Variants in ATAD2 observed in about 807,000 individuals in gnomAD.
ATAD2 encodes ATPase family AAA domain containing 2, also known as ATPase family AAA domain-containing protein 2.
ATAD2 carries 62 observed loss-of-function variants against 168.9 expected under a neutral mutation model. The ratio of observed to expected loss-of-function variants is 0.37; its 90% CI spans 0.30 to 0.45. The LOEUF is 0.45. ATAD2 is among the 20% of genes least tolerant of loss of function. The probability of loss-of-function intolerance (pLI) is 1.00; values close to 1 mark genes in which losing one functional copy is unlikely to be tolerated. For missense variants in ATAD2, 1,419 were observed against 1,667.8 expected (o/e 0.85, Z 2.60); for synonymous variants, 613 against 571.6 (o/e 1.07, Z -1.03).
In ATAD2 at chr8:123,396,061, C is replaced by CCACACTTCT. The variant is rs1161430603; in HGVS notation, c.171+117_171+125dup. The CCACACTTCT allele has an allele frequency of 8.9e-6, 10 of 1,126,006 alleles. No homozygotes were observed. The East Asian group carries it at 2.3e-4, about 26-fold the overall frequency. The allele number at this position is 1,126,006 out of a possible 1,614,324, so 69.8% of individuals were successfully genotyped here. On this transcript the variant is annotated intron_variant, in intron 1 of 27. Transcript: ENST00000287394. ...GAGCTTCCATTTTACTCGTCCTCGA[C>CCACACTTCT]CACACTTCTCCCCCGACAACTGTCA...
chr8:123,399,589 G>A (rs1241900070), upstream of ATAD2, among the ~76,000 whole-genome samples: 1 of 151,948 alleles, frequency 6.6e-6, no homozygotes, highest in African/African-American at 2.4e-5. Flanking sequence ...AGGCGGGGCG[G>A]CTCACACCTG....
intron 1 of ATAD2, among the ~76,000 whole-genome samples, chr8:123,393,525 CATAA>C (rs1812690545): frequency 6.6e-6 from 1 of 151,072 alleles, no homozygotes; most frequent in Non-Finnish European, 1.5e-5. Flanking sequence ...TAAATAAATG[CATAA>C]ATAAAGAGAA....
intron 2 of ATAD2, among the ~76,000 whole-genome samples, chr8:123,374,143 C>T (rs578254140): frequency 2.0e-5 from 3 of 152,212 alleles, no homozygotes; most frequent in East Asian, 1.9e-4. Context: ...GAGTTCAAGA[C>T]CAGCCTGGCC....
intron 19 of ATAD2, among the ~76,000 whole-genome samples, chr8:123,340,250 TAAGA>T (rs1488618242): frequency 1.3e-5 from 2 of 152,164 alleles, no homozygotes; most frequent in African/African-American, 2.4e-5. Context: ...AAATGAGATA[TAAGA>T]AAGAGCAACT....
intron 8 of ATAD2, 65 bp from the exon 9 acceptor site, chr8:123,361,711 A>ATACCT: frequency 7.6e-7 from 1 of 1,307,990 alleles, no homozygotes; most frequent in Non-Finnish European, 1.1e-6. Flanking sequence ...GGCATAAGAA[A>ATACCT]AGCATCAGAA....
chr8:123,397,339 C>T (rs1049924366), upstream of ATAD2, among the ~76,000 whole-genome samples: 3 of 150,776 alleles, frequency 2.0e-5, no homozygotes, highest in Non-Finnish European at 4.4e-5. Flanking sequence ...ACTTTTTATA[C>T]GTATCTCGGA....
chr8:123,369,939 ATCATCG>A lies in ATAD2; in HGVS notation c.807_812del (p.Asp276_Asp277del), dbSNP rs776568752. ...CATCTTCATCATCATCATCATCATC[ATCATCG>A]TCATCATCATCATCATCTTCATCAT... On this transcript the variant is annotated inframe_deletion, in exon 7 of 28. Coordinates refer to ENST00000287394, the MANE Select transcript of ATAD2 (RefSeq NM_014109.4). 3.8e-6 allele frequency: 6 copies of A among 1,568,898 alleles called. No individual in the cohort carries two copies. Among genetic ancestry groups the A allele is most frequent in the East Asian group, 2.3e-5 (1 of 42,988 alleles).
chr8:123,390,924 G>T (rs1829809394), intron 1 of ATAD2, among the ~76,000 whole-genome samples: 1 of 152,112 alleles, frequency 6.6e-6, no homozygotes, highest in Admixed American at 6.5e-5. Flanking sequence ...GGAGGCTGAG[G>T]CAGGAGAATT....
intron 1 of ATAD2, among the ~76,000 whole-genome samples, chr8:123,410,089 C>T (rs1266311543): frequency 6.6e-6 from 1 of 151,966 alleles, no homozygotes; most frequent in East Asian, 1.9e-4. Context: ...ATAATTTCCT[C>T]TGTTATTGAT....
chr8:123,364,556 T>G (rs145858505), intron 8 of ATAD2, among the ~76,000 whole-genome samples: 1 of 152,196 alleles, frequency 6.6e-6, no homozygotes, highest in East Asian at 1.9e-4. Context: ...TCCAACAACG[T>G]ATCAAAAAAG....
chr8:123,409,940 G>GA (rs33947485), intron 1 of ATAD2, among the ~76,000 whole-genome samples: 62,216 of 102,592 alleles, frequency 0.61, 18,416 homozygotes, highest in East Asian at 0.81. Flanking sequence ...CTCCATCTCG[G>GA]AAAAAAAAAA....
At chr8:123,353,193 G>T (rs775971557) in intron 13 of ATAD2, among the ~76,000 whole-genome samples, 11 of 151,968 alleles carry the variant, frequency 7.2e-5, no homozygotes, top group Non-Finnish European at 1.3e-4. Context: ...GCAAAACCCC[G>T]TCTCTACTAA....
intron 11 of ATAD2, among the ~76,000 whole-genome samples, chr8:123,358,701 GT>G (rs1326875654): frequency 1.4e-5 from 2 of 140,180 alleles, no homozygotes; most frequent in Non-Finnish European, 3.1e-5. Flanking sequence ...GTGTTTACCT[GT>G]GATTGATATA....
intron 1 of ATAD2, among the ~76,000 whole-genome samples, chr8:123,406,078 T>G (rs1279232704): frequency 6.6e-6 from 1 of 152,146 alleles, no homozygotes; most frequent in African/African-American, 2.4e-5. Context: ...TTCTTGGGGT[T>G]ATAAAACATG....
intron 1 of ATAD2, among the ~76,000 whole-genome samples, chr8:123,415,516 C>T (rs1465796464): frequency 6.6e-6 from 1 of 152,168 alleles, no homozygotes; most frequent in Non-Finnish European, 1.5e-5. Flanking sequence ...CAAATATAAA[C>T]AATTCAGAAG....
intron 13 of ATAD2, among the ~76,000 whole-genome samples, chr8:123,354,864 A>AAATATATATATATATATAT (rs1554644338): frequency 1.5e-5 from 1 of 64,714 alleles, no homozygotes; most frequent in African/African-American, 8.7e-5. Context: ...AAAAAAAAAA[A>AAATATATATATATATATAT]ATATATATAT....
At chr8:123,366,685 G>C (rs979635365) in intron 8 of ATAD2, among the ~76,000 whole-genome samples, 7 of 152,218 alleles carry the variant, frequency 4.6e-5, no homozygotes, top group Non-Finnish European at 8.8e-5. Context: ...GCTAAGCTAT[G>C]AAGATGCAAA....
In ATAD2 at chr8:123,396,403, A is replaced by T; in HGVS notation, c.-46T>A. 6.7e-7 allele frequency: 1 copy of T among 1,491,060 alleles called. No homozygotes were observed. The highest frequency in any genetic ancestry group is 8.9e-7 in the Non-Finnish European group (1 of 1,123,864). The allele number at this position is 1,491,060 out of a possible 1,614,324, so 92.4% of individuals were successfully genotyped here. Reference sequence around the variant, plus strand: ...GGCGTGCGCGACCGGAGAGAGATCCAGCTCCAGGCGCTCGCAGCTCTGGCT... The same window carrying T: ...GGCGTGCGCGACCGGAGAGAGATCCTGCTCCAGGCGCTCGCAGCTCTGGCT... On this transcript the variant is annotated 5_prime_UTR_variant, in exon 1 of 28. Transcript: ENST00000287394.
At chr8:123,325,099 C>CTTTT (rs761145398) in intron 26 of ATAD2, among the ~76,000 whole-genome samples, 3 of 115,008 alleles carry the variant, frequency 2.6e-5, no homozygotes, top group Non-Finnish European at 3.6e-5. Flanking sequence ...AGTAATAATT[C>CTTTT]TTTTTTTTTT....
Sources: gnomAD v4.1 joint callset for allele counts (sites outside exome capture counted in the v4.1 genomes callset) on GRCh38, gnomAD v4.1.1 for gene constraint, MANE v1.5 for transcripts, NCBI Gene and HGNC (gene_info 2026-07-23, HGNC 2026-07-21) for gene names.